Variants in QDPR observed in about 807,000 individuals in gnomAD.
QDPR encodes the protein quinoid dihydropteridine reductase.
In QDPR, 23 loss-of-function variants were observed where a neutral mutation model predicts 31.7. The ratio of observed to expected loss-of-function variants is 0.73; its 90% confidence interval spans 0.52 to 1.03. The LOEUF (loss-of-function observed/expected upper bound fraction) is 1.03. QDPR is among the 50% of genes least tolerant of loss of function. The pLI, the probability that QDPR is intolerant of heterozygous loss-of-function variation, is 0.00. For synonymous variants in QDPR, 124 were observed against 124.7 expected, an observed-to-expected ratio of 0.99 and a Z score of 0.03; for missense variants, 324 against 323.8, an observed-to-expected ratio of 1.00 and a Z score of 0.00.
rs28587968 is a variant in QDPR, at chr4:17,492,208, A to G, written c.545+24T>C. The G allele has an allele frequency of 8.8e-3, 14,068 of 1,598,532 alleles. 1,009 individuals are homozygous for G. The African/African-American group carries it at 0.16, about 18-fold the overall frequency. On this transcript the variant is annotated intron_variant, in intron 5 of 6. Coordinates refer to ENST00000281243, the MANE Select transcript of QDPR (RefSeq NM_000320.3). ...CAGCAGTGGGGCAGAGGTGGGCAGCAGCCAGGGAACCCCAAGCACTTACGG... is the reference window on the plus strand; with the variant it reads ...CAGCAGTGGGGCAGAGGTGGGCAGCGGCCAGGGAACCCCAAGCACTTACGG...
intron 4 of QDPR, among the ~76,000 whole-genome samples, chr4:17,496,442 C>A (rs1277145937): frequency 9.3e-5 from 6 of 64,616 alleles, no homozygotes; most frequent in East Asian, 1.1e-3. Flanking sequence ...AAAACTGTCT[C>A]AAAAAAAAAA....
At chr4:17,503,899 C>A (rs1388831520) in intron 3 of QDPR, among the ~76,000 whole-genome samples, 1 of 151,180 alleles carries the variant, frequency 6.6e-6, no homozygotes. Flanking sequence ...TGCAGTGAGC[C>A]GAGATTACAC....
In QDPR at chr4:17,505,350, G is replaced by A. The variant is rs186651133; in HGVS notation, c.199-875C>T. Among the ~76,000 whole-genome samples the A allele has an allele frequency of 7.6e-3, 1,139 of 149,712 alleles. 8 individuals carry two copies. The highest frequency in any genetic ancestry group is 0.026 in the African/African-American group (1,079 of 40,802). On this transcript the variant is annotated intron_variant, in intron 2 of 6. Transcript: ENST00000281243. ...CAACCTCCACCTCCCCGGTTCAAGC[G>A]AATCTCCTGCCTCAGCTTCCTGAGT... is the stretch of plus-strand genomic sequence containing the variant.
At chr4:17,499,788 T>C (rs1718494709) in intron 4 of QDPR, among the ~76,000 whole-genome samples, 1 of 152,082 alleles carries the variant, frequency 6.6e-6, no homozygotes, top group African/African-American at 2.4e-5. Context: ...GGCATGGCAG[T>C]GTGTGTCTGC....
intron 1 of QDPR, 139 bp downstream of exon 1, chr4:17,511,811 G>A (rs958634221): frequency 3.7e-6 from 3 of 810,064 alleles, no homozygotes; most frequent in Non-Finnish European, 5.8e-6. Context: ...GCGTAGACCT[G>A]TGCGCGCACG....
chr4:17,491,737 TG>T (rs1718171133), intron 5 of QDPR, among the ~76,000 whole-genome samples: 1 of 152,088 alleles, frequency 6.6e-6, no homozygotes, highest in South Asian at 2.1e-4. Flanking sequence ...AACCCAAAAC[TG>T]GAAGTATTGC....
At chr4:17,510,258 G>A (rs1026196586) in intron 1 of QDPR, among the ~76,000 whole-genome samples, 2 of 152,214 alleles carry the variant, frequency 1.3e-5, no homozygotes, top group African/African-American at 4.8e-5. Context: ...GATCAGGTTT[G>A]AATCCCAGCT....
intron 3 of QDPR, among the ~76,000 whole-genome samples, chr4:17,503,024 CA>C (rs1259059652): frequency 2.6e-5 from 4 of 152,238 alleles, no homozygotes; most frequent in Admixed American, 6.5e-5. Flanking sequence ...TACACACCAT[CA>C]CTCAGGAAGA....
chr4:17,508,391 A>C (rs558723396), intron 2 of QDPR, among the ~76,000 whole-genome samples: 162 of 152,238 alleles, frequency 1.1e-3, no homozygotes, highest in Non-Finnish European at 2.0e-3. Context: ...GTGAGCTGAG[A>C]TTGTGCCACT....
chr4:17,490,565 G>A, intron 6 of QDPR, 97 bp downstream of exon 6: 1 of 1,020,032 alleles, frequency 9.8e-7, no homozygotes, highest in Non-Finnish European at 1.5e-6. Context: ...CACCCGGATT[G>A]ACGATCTCAG....
At chr4:17,510,576 T>C (rs1718969390) in intron 1 of QDPR, among the ~76,000 whole-genome samples, 1 of 152,190 alleles carries the variant, frequency 6.6e-6, no homozygotes, top group Non-Finnish European at 1.5e-5. Flanking sequence ...CTCCCTAAGA[T>C]GGCAGGAAGA....
At chr4:17,498,232 G>A (rs1487898143) in intron 4 of QDPR, among the ~76,000 whole-genome samples, 2 of 152,170 alleles carry the variant, frequency 1.3e-5, no homozygotes, top group Non-Finnish European at 2.9e-5. Flanking sequence ...GTGGGGGGAT[G>A]ACAGCCCAGC....
intron 4 of QDPR, among the ~76,000 whole-genome samples, chr4:17,501,174 C>T (rs1718548486): frequency 6.6e-6 from 1 of 152,122 alleles, no homozygotes; most frequent in African/African-American, 2.4e-5. Context: ...CCACCCCCAA[C>T]CCTCTCACTC....
chr4:17,510,479 C>G (rs1718965952), intron 1 of QDPR, among the ~76,000 whole-genome samples: 1 of 152,210 alleles, frequency 6.6e-6, no homozygotes, highest in Admixed American at 6.5e-5. Context: ...AACACAGCAT[C>G]TATTCATCAA....
At chr4:17,492,603 G>A (rs1718209086) in intron 4 of QDPR, 2 of 531,126 alleles carry the variant, frequency 3.8e-6, no homozygotes, top group East Asian at 6.6e-5. Flanking sequence ...CAGGCCACCG[G>A]TGCATCCAAG....
At chr4:17,501,953 C>G in intron 3 of QDPR, 94 bp from the exon 4 acceptor site, 1 of 1,519,446 alleles carries the variant, frequency 6.6e-7, no homozygotes, top group Non-Finnish European at 9.0e-7. Context: ...GAGGCCCTCC[C>G]TCCTGGTCCC....
At chr4:17,497,085 C>G (rs1231143002) in intron 4 of QDPR, among the ~76,000 whole-genome samples, 1 of 152,098 alleles carries the variant, frequency 6.6e-6, no homozygotes, top group African/African-American at 2.4e-5. Context: ...GTGAATGTGA[C>G]ATGGGCACAC....
intron 1 of QDPR, among the ~76,000 whole-genome samples, chr4:17,510,286 T>G (rs1033287455): frequency 6.6e-6 from 1 of 152,184 alleles, no homozygotes; most frequent in Non-Finnish European, 1.5e-5. Context: ...AGTGGCTTTC[T>G]CACTCCGATG....
chr4:17,509,723 A>G (rs972115697), intron 1 of QDPR, among the ~76,000 whole-genome samples: 3 of 151,494 alleles, frequency 2.0e-5, no homozygotes, highest in Non-Finnish European at 4.4e-5. Flanking sequence ...TTTAAATAAA[A>G]GAAAAAGAAA....
Sources: allele counts gnomAD v4.1 joint callset (sites outside exome capture counted in the v4.1 genomes callset), GRCh38; gene constraint gnomAD v4.1.1; transcripts MANE v1.5; gene names NCBI Gene and HGNC (gene_info 2026-07-23, HGNC 2026-07-21).